ARF4: variants seen among roughly 807,000 people sequenced by gnomAD.
The protein encoded by ARF4 is ARF GTPase 4.
In ARF4, 5 loss-of-function variants were observed where a neutral mutation model predicts 24.3. The observed-to-expected ratio is 0.21, with a 90% CI of 0.11 to 0.43. The LOEUF is 0.43. Among genes scored for constraint, ARF4 ranks in the 20% least tolerant of loss-of-function variants. The pLI, the probability that ARF4 is intolerant of heterozygous loss-of-function variation, is 1.00. For missense variants in ARF4, 107 were observed against 213.0 expected, an observed-to-expected ratio of 0.50 and a Z score of 3.10; for synonymous variants, 62 against 73.5, an observed-to-expected ratio of 0.84 and a Z score of 0.80.
chr3:57,578,139 G>A (rs1043603280), intron 3 of ARF4, among the ~76,000 whole-genome samples: 2 of 152,128 alleles, frequency 1.3e-5, no homozygotes, highest in Admixed American at 1.3e-4. Context: ...AGGGGGGTGG[G>A]ATAGCGCGAG....
At chr3:57,593,837 A>G (rs2070146920) in intron 1 of ARF4, among the ~76,000 whole-genome samples, 2 of 152,202 alleles carry the variant, frequency 1.3e-5, no homozygotes, top group African/African-American at 4.8e-5. Context: ...AAGAACAGGC[A>G]AGATAGTGAG....
intron 3 of ARF4, among the ~76,000 whole-genome samples, chr3:57,583,550 G>A (rs771477934): frequency 6.6e-6 from 1 of 152,130 alleles, no homozygotes; most frequent in Non-Finnish European, 1.5e-5. Context: ...ACTATCAATT[G>A]TCTTACATTC....
At chr3:57,582,187 G>A (rs934464062) in intron 3 of ARF4, among the ~76,000 whole-genome samples, 2 of 152,054 alleles carry the variant, frequency 1.3e-5, no homozygotes, top group Non-Finnish European at 2.9e-5. Context: ...TAAAGCATGT[G>A]CCTCTGTATC....
At chr3:57,594,434 T>G (rs921808347) in intron 1 of ARF4, among the ~76,000 whole-genome samples, 1 of 152,174 alleles carries the variant, frequency 6.6e-6, no homozygotes, top group African/African-American at 2.4e-5. Context: ...ATATCATCAC[T>G]TGCATAACTT....
intron 1 of ARF4, among the ~76,000 whole-genome samples, chr3:57,590,709 C>T (rs749150665): frequency 1.3e-4 from 20 of 152,018 alleles, no homozygotes; most frequent in African/African-American, 2.9e-4. Context: ...GACAGGGTCT[C>T]GATCTGTCAC....
chr3:57,572,107 A>G lies in ARF4; in HGVS notation c.*105T>C, dbSNP rs11964. The stretch of plus-strand genomic sequence containing the variant: ...AAAATAAGTTTAATATTCTGCCCAA[A>G]CCAGTCCCAGATACTGTTTAATAAC... On this transcript the variant is annotated 3_prime_UTR_variant, in exon 6 of 6. Coordinates refer to ENST00000303436, the MANE Select transcript of ARF4 (RefSeq NM_001660.4). 0.027 allele frequency: 22,760 copies of G among 842,342 alleles called. 398 individuals carry two copies. The highest frequency in any genetic ancestry group is 0.036 in the Middle Eastern group (103 of 2,852). The allele number at this position is 842,342 out of a possible 1,614,324, so 52.2% of individuals were successfully genotyped here.
intron 3 of ARF4, 80 bp from the exon 4 acceptor site, chr3:57,577,467 C>A: frequency 9.1e-7 from 1 of 1,093,190 alleles, no homozygotes; most frequent in Non-Finnish European, 1.4e-6. Context: ...CAAAATGGTA[C>A]CAATGGTTAG....
chr3:57,592,112 A>C (rs909714854), intron 1 of ARF4, among the ~76,000 whole-genome samples: 2 of 152,108 alleles, frequency 1.3e-5, no homozygotes, highest in African/African-American at 4.8e-5. Context: ...AAAACCAAAA[A>C]ACCTAGTTCT....
rs1346418795 is a variant in ARF4, at chr3:57,590,124, TAAA to T, written c.68-5663_68-5661del. 3.4e-5 allele frequency among the ~76,000 whole-genome samples: 5 copies of T among 145,744 alleles called. No homozygotes were observed. The East Asian group carries it at 1.0e-3, about 29-fold the overall frequency. On this transcript the variant is annotated intron_variant, in intron 1 of 5. Coordinates refer to ENST00000303436, the MANE Select transcript of ARF4 (RefSeq NM_001660.4). ...ATAAATAAATAAATAAATAAATAAATAAATAAATAAAACAAAAAACAAAAAAAG... is the reference window on the plus strand; with the variant it reads ...ATAAATAAATAAATAAATAAATAAATTAAATAAAACAAAAAACAAAAAAAG...
At chr3:57,581,307 T>C (rs767424445) in intron 3 of ARF4, among the ~76,000 whole-genome samples, 1 of 152,168 alleles carries the variant, frequency 6.6e-6, no homozygotes, top group Non-Finnish European at 1.5e-5. Context: ...CCAGCTAGCA[T>C]GAACTCCCTA....
chr3:57,579,309 T>C (rs941685141), intron 3 of ARF4, among the ~76,000 whole-genome samples: 1 of 137,104 alleles, frequency 7.3e-6, no homozygotes, highest in Non-Finnish European at 1.6e-5. Context: ...CAAAGGACTA[T>C]ACTATATCTT....
Position 57,575,613 on chromosome 3 carries a change from G to T in ARF4, c.391C>A (p.Pro131Thr). 1 of 1,613,418 alleles carries T rather than the reference G, an allele frequency of 6.2e-7. No individual in the cohort carries two copies. Among genetic ancestry groups the T allele is most frequent in the Non-Finnish European group, 8.5e-7 (1 of 1,179,756 alleles). ...ATTTCACTGATGGCCATAGCATTTG[G>T]CAAATCCTGTTTGTTTGCAAAAAGT... ...LLLFANKQDL[P>T]NAMAISEMTD... is the part of the protein sequence containing the mutation. Residue 131 changes from proline to threonine, a missense_variant, in exon 5 of 6, where the codon CCA becomes ACA. Pro to Thr is a conservative substitution (Grantham distance 38). Coordinates refer to ENST00000303436, the MANE Select transcript of ARF4 (RefSeq NM_001660.4).
chr3:57,577,524 A>G, intron 3 of ARF4, 137 bp from the exon 4 acceptor site: 1 of 668,088 alleles, frequency 1.5e-6, no homozygotes, highest in African/African-American at 1.8e-5. Context: ...TTAAGGCTGT[A>G]ATGCTAAAAG....
chr3:57,596,477 G>C (rs1216413135), intron 1 of ARF4: 1 of 152,238 alleles, frequency 6.6e-6, no homozygotes, highest in Non-Finnish European at 1.5e-5. Flanking sequence ...ACTTGAAACG[G>C]AATCCAGCGC....
chr3:57,597,096 C>T lies in ARF4; in HGVS notation c.45G>A (p.Lys15=). The change falls in exon 1 of 6, where the codon AAG becomes AAA. Residue 15 remains lysine, a synonymous_variant. Transcript: ENST00000303436. ...ISSLFSRLFG[K]KQMRILMVGL... The stretch of plus-strand genomic sequence containing the variant: ...CACCCATCAAAATGCGCATCTGCTT[C>T]TTGCCAAATAGTCGGGAGAAGAGGG... 6.2e-7 allele frequency: 1 copy of T among 1,614,198 alleles called. No individual in the cohort carries two copies.
rs540182617 is a variant in ARF4, at chr3:57,581,371, G to A, written c.258+2527C>T. ...AGATGGTCCAAAGAGGCCAGAATTGGGTCTAATTTCAAATTAAGAATGCAA... is the reference window on the plus strand; with the variant it reads ...AGATGGTCCAAAGAGGCCAGAATTGAGTCTAATTTCAAATTAAGAATGCAA... On this transcript the variant is annotated intron_variant, in intron 3 of 5. Coordinates refer to ENST00000303436, the MANE Select transcript of ARF4 (RefSeq NM_001660.4). Among the ~76,000 whole-genome samples the A allele has an allele frequency of 1.4e-3, 215 of 152,098 alleles. 1 individual carries two copies. Among genetic ancestry groups the A allele is most frequent in the Middle Eastern group, 0.014 (4 of 294 alleles).
chr3:57,585,653 A>G (rs2070027249), intron 1 of ARF4, among the ~76,000 whole-genome samples: 1 of 137,898 alleles, frequency 7.3e-6, no homozygotes, highest in Admixed American at 8.4e-5. Flanking sequence ...CAATATAAGT[A>G]ATATCTAAAT....
chr3:57,594,044 T>C (rs1313232409), intron 1 of ARF4, among the ~76,000 whole-genome samples: 1 of 152,050 alleles, frequency 6.6e-6, no homozygotes, highest in Non-Finnish European at 1.5e-5. Flanking sequence ...TCACCTGAGG[T>C]CAGGAGTTCG....
chr3:57,595,876 G>A (rs1262739935), intron 1 of ARF4, among the ~76,000 whole-genome samples: 1 of 151,956 alleles, frequency 6.6e-6, no homozygotes, highest in Non-Finnish European at 1.5e-5. Flanking sequence ...TCTTGAACCC[G>A]GGAGGTGGAG....
Sources: allele counts gnomAD v4.1 joint callset (sites outside exome capture counted in the v4.1 genomes callset), GRCh38; gene constraint gnomAD v4.1.1; transcripts MANE v1.5; gene names NCBI Gene and HGNC (gene_info 2026-07-23, HGNC 2026-07-21).